MACF1: variants seen among roughly 807,000 people sequenced by gnomAD.
MACF1 encodes the protein microtubule actin crosslinking factor 1, also known as microtubule-actin cross-linking factor 1.
In MACF1, 193 loss-of-function variants were observed where a neutral mutation model predicts 854.8. That is an observed-to-expected ratio of 0.23 (90% CI 0.20 to 0.25). The LOEUF (loss-of-function observed/expected upper bound fraction) is 0.25. MACF1 is among the 10% of genes least tolerant of loss of function. The pLI is 1.00. For synonymous variants in MACF1, 3,185 were observed against 3,226.7 expected (o/e 0.99, Z 0.44); for missense variants, 7,722 against 8,929.1 (o/e 0.86, Z 5.45).
intron 31 of MACF1, among the ~76,000 whole-genome samples, chr1:39,322,399 C>G (rs935011809): frequency 7.2e-5 from 11 of 152,208 alleles, no homozygotes; most frequent in East Asian, 3.8e-4. Flanking sequence ...ACCCTTTCAT[C>G]TATATATTGC....
chr1:39,143,351 A>G (rs1643389193), intron 2 of MACF1, among the ~76,000 whole-genome samples: 1 of 152,142 alleles, frequency 6.6e-6, no homozygotes, highest in Non-Finnish European at 1.5e-5. Context: ...TTCTGGTGGC[A>G]ATGTCTGGTT....
rs760846191 is a variant in MACF1 at position 39,452,833 on chromosome 1, G to A, written c.20742+21G>A. The A allele has an allele frequency of 2.5e-6, 4 of 1,611,456 alleles. No individual in the cohort carries two copies. The Admixed American group carries it at 6.7e-5, about 27-fold the overall frequency. On this transcript the variant is annotated intron_variant, in intron 87 of 100. Transcript: ENST00000564288. ...ATAAGGTAATCCAGCCTTGGGGTTT[G>A]GTGACCTCATGCTACCTACCACCTT... is the stretch of plus-strand genomic sequence containing the variant.
chr1:39,359,244 G>A lies in MACF1; in HGVS notation c.12224G>A (p.Arg4075Lys). The A allele has an allele frequency of 1.9e-6, 3 of 1,614,070 alleles. No homozygotes were observed. Among genetic ancestry groups the A allele is most frequent in the Non-Finnish European group, 2.5e-6 (3 of 1,180,034 alleles). ...GAAGGGGAGCCAGCCCCAGACCACA[G>A]GCATGTTCAAGAAACTACAGGTATA... is the stretch of plus-strand genomic sequence containing the variant. Reference protein sequence around the residue: ...EIEGEPAPDHRHVQETTDSIL... With the variant: ...EIEGEPAPDHKHVQETTDSIL... Residue 4075 changes from arginine (R) to lysine (K), a missense_variant, in exon 47 of 101, where the codon AGG becomes AAG. By Grantham distance (26) the Arg-to-Lys change is conservative. Coordinates refer to ENST00000564288, the MANE Select transcript of MACF1 (RefSeq NM_001394062.1).
intron 91 of MACF1, chr1:39,459,731 C>A: frequency 1.2e-6 from 1 of 822,588 alleles, no homozygotes; most frequent in Non-Finnish European, 1.7e-6. Flanking sequence ...TGTCATTACC[C>A]AGTATAAAAA....
chr1:39,414,161 C>T, intron 58 of MACF1: 1 of 1,611,916 alleles, frequency 6.2e-7, no homozygotes, highest in Non-Finnish European at 8.5e-7. Context: ...CCAGCAGCAG[C>T]AGTGCCCACC....
intron 26 of MACF1, among the ~76,000 whole-genome samples, chr1:39,313,378 G>A (rs1311589824): frequency 6.6e-6 from 1 of 152,118 alleles, no homozygotes; most frequent in African/African-American, 2.4e-5. Flanking sequence ...TCACCAACTA[G>A]TTTTAGCATC....
At chr1:39,137,864 G>A (rs1009869392) in intron 2 of MACF1, among the ~76,000 whole-genome samples, 8 of 151,858 alleles carry the variant, frequency 5.3e-5, no homozygotes, top group East Asian at 1.9e-4. Flanking sequence ...ACCTGAGGTC[G>A]CGAGTTTGAG....
chr1:39,368,910 A>G (rs1384435209), intron 50 of MACF1, among the ~76,000 whole-genome samples: 2 of 152,180 alleles, frequency 1.3e-5, no homozygotes, highest in African/African-American at 4.8e-5. Context: ...TTGAGGCAGC[A>G]AGTAAGATTA....
chr1:39,122,224 C>T (rs998104242), intron 2 of MACF1, among the ~76,000 whole-genome samples: 2 of 150,576 alleles, frequency 1.3e-5, no homozygotes, highest in Admixed American at 6.6e-5. Context: ...CATACTTGTA[C>T]AGTGCAGCCA....
chr1:39,459,808 C>G, intron 91 of MACF1: 1 of 1,302,024 alleles, frequency 7.7e-7, no homozygotes, highest in Non-Finnish European at 1.0e-6. Flanking sequence ...TTTATTTGTG[C>G]ATATCAAAGC....
At chr1:39,308,875 T>C (rs1646242577) in intron 23 of MACF1, among the ~76,000 whole-genome samples, 1 of 151,982 alleles carries the variant, frequency 6.6e-6, no homozygotes, top group Non-Finnish European at 1.5e-5. Flanking sequence ...AGGCTGGTCT[T>C]GAACTCCCGA....
At chr1:39,276,927 A>AT (rs1011180140) in intron 6 of MACF1, among the ~76,000 whole-genome samples, 1 of 152,182 alleles carries the variant, frequency 6.6e-6, no homozygotes, top group South Asian at 2.1e-4. Context: ...AATCACTATC[A>AT]TTTTTTTGTA....
intron 2 of MACF1, among the ~76,000 whole-genome samples, chr1:39,127,052 G>A (rs1469260050): frequency 1.3e-5 from 2 of 151,694 alleles, no homozygotes; most frequent in South Asian, 2.1e-4. Flanking sequence ...GCGAAACCCC[G>A]ACTCTACTAA....
At chr1:39,447,024 A>G (rs1265920093) in intron 80 of MACF1, among the ~76,000 whole-genome samples, 1 of 152,222 alleles carries the variant, frequency 6.6e-6, no homozygotes, top group Non-Finnish European at 1.5e-5. Context: ...ATTGCTTTTC[A>G]TTTAGCTGTT....
At chr1:39,195,106 T>G (rs1644304450) in intron 2 of MACF1, among the ~76,000 whole-genome samples, 1 of 152,198 alleles carries the variant, frequency 6.6e-6, no homozygotes, top group Non-Finnish European at 1.5e-5. Flanking sequence ...CCAGGTAGAT[T>G]TGGAAGTTCA....
chr1:39,429,003 T>G (rs532424201), intron 63 of MACF1, among the ~76,000 whole-genome samples: 1 of 152,302 alleles, frequency 6.6e-6, no homozygotes, highest in Non-Finnish European at 1.5e-5. Flanking sequence ...TTGGTAAAGC[T>G]GATGTAATTC....
chr1:39,329,958 C>T (rs1231888914), intron 36 of MACF1, among the ~76,000 whole-genome samples: 1 of 152,132 alleles, frequency 6.6e-6, no homozygotes, highest in Admixed American at 6.5e-5. Context: ...AGAATCAGAC[C>T]TTGATTTGTT....
intron 70 of MACF1, chr1:39,436,377 C>A: frequency 8.4e-7 from 1 of 1,194,596 alleles, no homozygotes; most frequent in South Asian, 1.2e-5. Context: ...CGTCCCATCT[C>A]TCACTCACAT....
intron 2 of MACF1, among the ~76,000 whole-genome samples, chr1:39,085,164 G>A (rs1641640617): frequency 6.6e-6 from 1 of 152,206 alleles, no homozygotes; most frequent in Admixed American, 6.5e-5. Context: ...GTGACTCTGG[G>A]CAAGTCCCTT....
Sources: allele counts gnomAD v4.1 joint callset (sites outside exome capture counted in the v4.1 genomes callset), GRCh38; gene constraint gnomAD v4.1.1; transcripts MANE v1.5; gene names NCBI Gene and HGNC (gene_info 2026-07-23, HGNC 2026-07-21).